Variants in CFAP99 observed in about 807,000 individuals in gnomAD.
CFAP99 encodes the protein cilia and flagella associated protein 99.
CFAP99 carries 84 observed loss-of-function variants against 82.7 expected under a neutral mutation model. The ratio of observed to expected loss-of-function variants is 1.02; its 90% confidence interval spans 0.85 to 1.22. The LOEUF (loss-of-function observed/expected upper bound fraction) is 1.22. Ranked by LOEUF, CFAP99 falls within the 50% of genes most tolerant of loss-of-function variation. CFAP99 has a pLI of 0.00. For missense variants in CFAP99, 1,059 were observed against 983.5 expected (o/e 1.08, Z -1.03); for synonymous variants, 456 against 429.5 (o/e 1.06, Z -0.76).
chr4:2,457,654 AC>A (rs140886747), intron 11 of CFAP99, among the ~76,000 whole-genome samples: 2,905 of 152,208 alleles, frequency 0.019, 80 homozygotes, highest in African/African-American at 0.063. Context: ...CCCTCTCCTT[AC>A]TGTGAGCCTG....
intron 8 of CFAP99, 129 bp from the exon 9 acceptor site, chr4:2,450,818 C>A: frequency 2.8e-6 from 2 of 718,152 alleles, no homozygotes; most frequent in Non-Finnish European, 4.8e-6. Context: ...GGATGGGCAG[C>A]TGGGGGGAGG....
chr4:2,425,691 C>T (rs530997652), intron 1 of CFAP99, among the ~76,000 whole-genome samples: 23 of 152,276 alleles, frequency 1.5e-4, no homozygotes, highest in Middle Eastern at 3.4e-3. Context: ...CCAAGGATGA[C>T]GGCCTTTGCT....
chr4:2,426,093 C>G (rs1305757695), intron 1 of CFAP99, among the ~76,000 whole-genome samples: 1 of 152,216 alleles, frequency 6.6e-6, no homozygotes, highest in East Asian at 1.9e-4. Flanking sequence ...TGCCGTGGGC[C>G]CCTTGCAGGG....
rs1014445726 is a variant in CFAP99, at chr4:2,436,973, G to T, written c.211G>T (p.Glu71Ter). Residue 71 changes from glutamate to a stop codon, truncating the protein, a stop_gained, in exon 3 of 15, where the codon GAG becomes TAG. Transcript: ENST00000635017. LOFTEE classifies it high-confidence loss of function. ...CGTCGTGGTGGATGCCTTCTACGTG[G>T]AGGATGGCCGACTCTGCCTGCGGGT... 34 of 1,535,956 alleles carry T rather than the reference G, an allele frequency of 2.2e-5. No individual in the cohort carries two copies. The highest frequency in any genetic ancestry group is 2.8e-5 in the Non-Finnish European group (32 of 1,146,878).
intron 11 of CFAP99, among the ~76,000 whole-genome samples, chr4:2,453,135 T>C (rs1192129761): frequency 6.6e-6 from 1 of 152,224 alleles, no homozygotes; most frequent in Admixed American, 6.5e-5. Context: ...TCACCTCTTG[T>C]AAGTCTATAA....
intron 6 of CFAP99, among the ~76,000 whole-genome samples, chr4:2,449,177 G>A (rs1011849497): frequency 6.6e-6 from 1 of 151,960 alleles, no homozygotes; most frequent in Non-Finnish European, 1.5e-5. Flanking sequence ...CCATATTATC[G>A]GAGCCTCCTG....
rs2108727508 is a variant in CFAP99, at chr4:2,446,166, A to G, written c.642+858A>G. Among the ~76,000 whole-genome samples the G allele has an allele frequency of 6.6e-6, 1 of 152,236 alleles. No individual in the cohort carries two copies. Among genetic ancestry groups the G allele is most frequent in the East Asian group, 1.9e-4 (1 of 5,176 alleles). The stretch of plus-strand genomic sequence containing the variant: ...AGGTCTCATTAAAATCCCTCTTCCC[A>G]GAGAGGCTTTTCATGAACCCCTCAA... On this transcript the variant is annotated intron_variant, in intron 6 of 14. Transcript: ENST00000635017. The surrounding 1 kb of genome is among the most constrained non-coding windows in gnomAD (Gnocchi z 5.0).
At chr4:2,422,856 G>C (rs1275846523) in intron 1 of CFAP99, among the ~76,000 whole-genome samples, 1 of 152,174 alleles carries the variant, frequency 6.6e-6, no homozygotes, top group Admixed American at 6.5e-5. Flanking sequence ...ACCCAGCCTA[G>C]AGTGTGGTAG....
rs187607929 is a variant in CFAP99, at chr4:2,452,230, C to G, written c.1045C>G (p.Leu349Val). The G allele has an allele frequency of 4.4e-5, 67 of 1,536,146 alleles. No homozygotes were observed. The African/African-American group carries it at 7.1e-4, about 16-fold the overall frequency. The change falls in exon 11 of 15, where the codon CTG (leucine) becomes GTG (valine). Residue 349 changes from leucine (L) to valine (V), a missense_variant. Leu to Val is a conservative substitution (Grantham distance 32, BLOSUM62 1). Transcript: ENST00000635017. ...GCAGGCGAAGGACCGGGAGGAGCAG[C>G]TGGCTGCAAGCGAGTGCCGGCGGTT... is the stretch of plus-strand genomic sequence containing the variant.
intron 2 of CFAP99, among the ~76,000 whole-genome samples, chr4:2,431,626 C>T (rs1199458443): frequency 6.6e-6 from 1 of 152,166 alleles, no homozygotes; most frequent in African/African-American, 2.4e-5. Flanking sequence ...CATGGAGATC[C>T]ACTGCTGCTC....
chr4:2,420,839 C>T (rs530806348), intron 1 of CFAP99, among the ~76,000 whole-genome samples: 4 of 152,302 alleles, frequency 2.6e-5, no homozygotes, highest in Admixed American at 2.0e-4. Context: ...CTGCCATCAC[C>T]TCCTCGGCCC....
chr4:2,461,182 T>C (rs1234736941), intron 14 of CFAP99, among the ~76,000 whole-genome samples: 1 of 152,212 alleles, frequency 6.6e-6, no homozygotes, highest in East Asian at 1.9e-4. Context: ...TTTTAGCCCC[T>C]TGTGGCTGGC....
At chr4:2,445,248 C>A (rs1578475340) in exon 6 of CFAP99, 1 of 1,443,316 alleles carries the variant, frequency 6.9e-7, no homozygotes, top group Admixed American at 2.5e-5. Flanking sequence ...ACCTGACTGC[C>A]CCCAGGCCCC....
In CFAP99 at chr4:2,462,918, G is replaced by A; in HGVS notation, c.2137G>A (p.Ala713Thr). The change falls in exon 15 of 15, where the codon GCC becomes ACC. Residue 713 changes from alanine (A) to threonine (T), a missense_variant. Coordinates refer to ENST00000635017, the Ensembl canonical transcript of CFAP99. The surrounding 1 kb of genome is among the most constrained non-coding windows in gnomAD (Gnocchi z 4.1). ...ACCCGGGCCCGCGCGCCGCCTGGAGGCCGCCTGAGCCGGGCCGAGCGCGCC... is the reference window on the plus strand; with the variant it reads ...ACCCGGGCCCGCGCGCCGCCTGGAGACCGCCTGAGCCGGGCCGAGCGCGCC... 1 of 1,297,508 alleles carries A rather than the reference G, an allele frequency of 7.7e-7. No individual in the cohort carries two copies. Among genetic ancestry groups the A allele is most frequent in the South Asian group, 2.3e-5 (1 of 42,656 alleles). 80.4% of individuals were successfully genotyped at this position (1,297,508 alleles called of 1,614,324 possible). A position where few individuals can be genotyped will look rare whatever the true frequency, so the allele number is the denominator to read the frequency against.
intron 11 of CFAP99, among the ~76,000 whole-genome samples, chr4:2,453,570 G>T (rs1032826119): frequency 1.3e-5 from 2 of 151,986 alleles, no homozygotes; most frequent in Admixed American, 1.3e-4. Context: ...CAATTTCATG[G>T]GTCAGAAATA....
At chr4:2,433,971 C>T (rs943706868) in intron 2 of CFAP99, among the ~76,000 whole-genome samples, 1 of 152,198 alleles carries the variant, frequency 6.6e-6, no homozygotes, top group African/African-American at 2.4e-5. Flanking sequence ...TGAGAAGCCT[C>T]GCCCTGACTG....
rs549874653 is a variant in CFAP99, at chr4:2,462,133, G to A, written c.1662-310G>A. On this transcript the variant is annotated intron_variant, in intron 14 of 14. Transcript: ENST00000635017. The surrounding 1 kb of genome is among the most constrained non-coding windows in gnomAD (Gnocchi z 4.1). ...GATCGCGCCACTGCACTCCAGCCTG[G>A]GCGACAGAGTGAGACCCTGCCTCAA... The A allele has an allele frequency of 5.5e-5, 12 of 218,782 alleles. No homozygotes were observed. The highest frequency in any genetic ancestry group is 2.8e-4 in the African/African-American group (12 of 43,622). 13.6% of individuals were successfully genotyped at this position (218,782 alleles called of 1,614,324 possible).
At chr4:2,443,020 G>A in intron 4 of CFAP99, 110 bp from the exon 5 acceptor site, 1 of 522,526 alleles carries the variant, frequency 1.9e-6, no homozygotes, top group South Asian at 2.2e-5. Context: ...GAGCCACTGG[G>A]GGTGCTGGGG....
intron 2 of CFAP99, 140 bp from the exon 3 acceptor site, chr4:2,436,727 ACTGCCAG>A: frequency 1.6e-6 from 1 of 627,242 alleles, no homozygotes; most frequent in Non-Finnish European, 2.8e-6. Context: ...GTGGGGAGGC[ACTGCCAG>A]CTGCCTTGGG....
Sources: gnomAD v4.1 joint callset for allele counts (sites outside exome capture counted in the v4.1 genomes callset) on GRCh38, gnomAD v4.1.1 for gene constraint, Gnocchi (gnomAD v3.1) non-coding constraint, MANE v1.5 for transcripts, NCBI Gene and HGNC (gene_info 2026-07-23, HGNC 2026-07-21) for gene names.